The following SCD5 variants were observed in gnomAD, a reference collection of about 807,000 sequenced individuals.
SCD5 encodes the protein stearoyl-CoA desaturase 5.
A neutral mutation model predicts 30.4 loss-of-function variants in SCD5; 20 were observed. The observed-to-expected ratio is 0.66, with a 90% CI of 0.46 to 0.96. The LOEUF (loss-of-function observed/expected upper bound fraction) is 0.96, where lower values mean the gene tolerates loss of function less well. Among genes scored for constraint, SCD5 ranks in the 40% least tolerant of loss-of-function variants. The pLI is 0.00. For missense variants in SCD5, 381 were observed against 443.3 expected, an observed-to-expected ratio of 0.86 and a Z score of 1.26; for synonymous variants, 173 against 176.4, an observed-to-expected ratio of 0.98 and a Z score of 0.16.
chr4:82,674,461 C>T (rs1112035), intron 3 of SCD5, among the ~76,000 whole-genome samples: 19,761 of 152,122 alleles, frequency 0.13, 1,541 homozygotes, highest in East Asian at 0.4. Flanking sequence ...AAATCCAGAA[C>T]ATAGACAACA....
intron 3 of SCD5, among the ~76,000 whole-genome samples, chr4:82,670,359 G>A (rs974673944): frequency 2.6e-5 from 4 of 152,170 alleles, no homozygotes; most frequent in Non-Finnish European, 1.5e-5. Context: ...AAAAAATGCT[G>A]TAACAGAAGT....
chr4:82,654,459 C>T (rs113318402), intron 3 of SCD5, among the ~76,000 whole-genome samples: 3 of 152,314 alleles, frequency 2.0e-5, no homozygotes, highest in African/African-American at 7.2e-5. Context: ...CTACCCTTTG[C>T]AGTTAGATAT....
At chr4:82,762,789 A>G (rs940519051) in intron 1 of SCD5, among the ~76,000 whole-genome samples, 1 of 152,210 alleles carries the variant, frequency 6.6e-6, no homozygotes, top group East Asian at 1.9e-4. Flanking sequence ...AAGGAAAAAA[A>G]TATAGTGACA....
chr4:82,677,351 C>A (rs1027598889), intron 3 of SCD5, among the ~76,000 whole-genome samples: 12 of 152,270 alleles, frequency 7.9e-5, no homozygotes, highest in African/African-American at 2.9e-4. Flanking sequence ...AAGTCTGGGC[C>A]CCAAATGCAG....
intron 1 of SCD5, among the ~76,000 whole-genome samples, chr4:82,750,265 T>G (rs1445235606): frequency 2.6e-5 from 4 of 152,198 alleles, no homozygotes; most frequent in African/African-American, 9.7e-5. Flanking sequence ...TCCACATTGA[T>G]AACTTTGAGA....
intron 2 of SCD5, chr4:82,698,116 A>G (rs1719735080): frequency 4.4e-6 from 2 of 456,396 alleles, no homozygotes; most frequent in South Asian, 1.5e-5. Context: ...AACAACACCC[A>G]CCCATCTTGA....
intron 2 of SCD5, among the ~76,000 whole-genome samples, chr4:82,701,863 G>A (rs896243432): frequency 6.6e-6 from 1 of 152,180 alleles, no homozygotes; most frequent in South Asian, 2.1e-4. Flanking sequence ...AGATGCATGA[G>A]CGTGACAGCA....
At chr4:82,743,036 A>G (rs757445631) in intron 1 of SCD5, among the ~76,000 whole-genome samples, 9 of 152,180 alleles carry the variant, frequency 5.9e-5, no homozygotes, top group Non-Finnish European at 1.3e-4. Context: ...AGAGGCTCCC[A>G]CCTAGCCCCC....
intron 3 of SCD5, among the ~76,000 whole-genome samples, chr4:82,647,582 G>T (rs1727658531): frequency 6.6e-6 from 1 of 152,284 alleles, no homozygotes; most frequent in Admixed American, 6.5e-5. Flanking sequence ...GTGCTCTAAA[G>T]GTTACGTGGG....
chr4:82,777,532 G>C (rs1332794721), intron 1 of SCD5, among the ~76,000 whole-genome samples: 2 of 152,200 alleles, frequency 1.3e-5, no homozygotes, highest in African/African-American at 4.8e-5. Flanking sequence ...AGCTTAATAG[G>C]TGTGTGATGG....
At chr4:82,723,756 A>AT (rs1211167117) in intron 1 of SCD5, among the ~76,000 whole-genome samples, 2 of 152,238 alleles carry the variant, frequency 1.3e-5, no homozygotes, top group Non-Finnish European at 2.9e-5. Flanking sequence ...GGTAGAAACA[A>AT]TCACACAAAA....
chr4:82,643,269 CA>C (rs1340206273), intron 3 of SCD5, among the ~76,000 whole-genome samples: 1 of 152,020 alleles, frequency 6.6e-6, no homozygotes, highest in Non-Finnish European at 1.5e-5. Flanking sequence ...GGTATATATC[CA>C]AAAGAATAAA....
chr4:82,663,392 C>T (rs1728062620), intron 3 of SCD5, among the ~76,000 whole-genome samples: 1 of 152,170 alleles, frequency 6.6e-6, no homozygotes, highest in South Asian at 2.1e-4. Flanking sequence ...TAACTGGGTG[C>T]TCACAAGGAA....
intron 2 of SCD5, among the ~76,000 whole-genome samples, chr4:82,684,041 A>G (rs1277254638): frequency 1.3e-5 from 2 of 152,254 alleles, no homozygotes; most frequent in Non-Finnish European, 2.9e-5. Context: ...AGAGTTTCAA[A>G]TAGCTAGAAA....
intron 2 of SCD5, among the ~76,000 whole-genome samples, chr4:82,684,828 C>A (rs1246757047): frequency 6.6e-6 from 1 of 152,106 alleles, no homozygotes; most frequent in Non-Finnish European, 1.5e-5. Flanking sequence ...ACCTTTGCTG[C>A]ACGGGAAACA....
intron 4 of SCD5, among the ~76,000 whole-genome samples, chr4:82,631,912 G>C (rs1484783874): frequency 6.6e-6 from 1 of 151,926 alleles, no homozygotes; most frequent in East Asian, 1.9e-4. Context: ...AGACAAATGA[G>C]AATCATTCAA....
intron 3 of SCD5, among the ~76,000 whole-genome samples, chr4:82,648,592 T>C (rs915307867): frequency 1.3e-5 from 2 of 152,226 alleles, no homozygotes; most frequent in African/African-American, 4.8e-5. Flanking sequence ...TGAGTCATTA[T>C]ATATGAGTCA....
intron 1 of SCD5, among the ~76,000 whole-genome samples, chr4:82,766,658 G>A (rs1374244482): frequency 6.6e-6 from 1 of 152,148 alleles, no homozygotes; most frequent in Non-Finnish European, 1.5e-5. Context: ...TTGGATATCA[G>A]ACATTGTGAA....
chr4:82,694,069 C>T (rs150592793), intron 2 of SCD5, among the ~76,000 whole-genome samples: 1 of 152,336 alleles, frequency 6.6e-6, no homozygotes, highest in East Asian at 1.9e-4. Flanking sequence ...AGGCAACCTC[C>T]AGAGCATGGG....
Sources: allele counts gnomAD v4.1 joint callset (sites outside exome capture counted in the v4.1 genomes callset), GRCh38; gene constraint gnomAD v4.1.1; transcripts MANE v1.5; gene names NCBI Gene and HGNC (gene_info 2026-07-23, HGNC 2026-07-21).